SH2B1: variants seen among roughly 807,000 people sequenced by gnomAD.
SH2B1 encodes SH2B adapter protein 1.
A neutral mutation model predicts 62.6 loss-of-function variants in SH2B1; 15 were observed. The observed-to-expected ratio is 0.24, with a 90% CI of 0.16 to 0.37. The LOEUF (loss-of-function observed/expected upper bound fraction) is 0.37, where lower values mean the gene tolerates loss of function less well. SH2B1 is among the 10% of genes least tolerant of loss of function. The probability of loss-of-function intolerance (pLI) is 1.00; values close to 1 mark genes in which losing one functional copy is unlikely to be tolerated. For synonymous variants in SH2B1, 443 were observed against 438.0 expected (o/e 1.01, Z -0.14); for missense variants, 925 against 1,015.6 (o/e 0.91, Z 1.21).
Position 28,873,985 on chromosome 16 carries a change from A to C in SH2B1, c.*165A>C. 3.3e-6 allele frequency: 2 copies of C among 613,702 alleles called. No homozygotes were observed. The highest frequency in any genetic ancestry group is 1.0e-4 in the South Asian group (2 of 19,090). 38.0% of individuals were successfully genotyped at this position (613,702 alleles called of 1,614,324 possible). A position where few individuals can be genotyped will look rare whatever the true frequency, so the allele number is the denominator to read the frequency against. ...CAGAGGCTCGGGAGAGGCTCCCGTC[A>C]CACACTACAGGTCCCCTCCCCAGGG... On this transcript the variant is annotated 3_prime_UTR_variant, in exon 8 of 8. Transcript: ENST00000684370. The surrounding 1 kb of genome is among the most constrained non-coding windows in gnomAD (Gnocchi z 4.2).
In SH2B1 at chr16:28,866,627, C is replaced by T. The variant is rs1261226218; in HGVS notation, c.533C>T (p.Pro178Leu). 2 of 1,613,814 alleles carry T rather than the reference C, an allele frequency of 1.2e-6. No individual in the cohort carries two copies. The highest frequency in any genetic ancestry group is 1.3e-5 in the African/African-American group (1 of 75,042). The change falls in exon 1 of 8, where the codon CCT becomes CTT. Residue 178 changes from proline (P) to leucine (L), a missense_variant. Pro to Leu is a moderately conservative substitution (Grantham distance 98). This residue lies in a region of SH2B1 where 683 missense variants were observed against 704.0 expected (regional missense o/e 0.97). Coordinates refer to ENST00000684370, the MANE Select transcript of SH2B1 (RefSeq NM_001387430.1). The surrounding 1 kb of genome is among the most constrained non-coding windows in gnomAD (Gnocchi z 6.3). Reference sequence around the variant, plus strand: ...CTGCAGTGGCGGGGGACCGTTGACCCTCCCTCCTCCGCTGGGCCCCTGGAG... The same window carrying T: ...CTGCAGTGGCGGGGGACCGTTGACCTTCCCTCCTCCGCTGGGCCCCTGGAG... ...GILQWRGTVD[P>L]PSSAGPLETS...
intron 1 of SH2B1, among the ~76,000 whole-genome samples, chr16:28,850,366 C>T (rs540715093): frequency 6.6e-6 from 1 of 152,198 alleles, no homozygotes; most frequent in Non-Finnish European, 1.5e-5. Flanking sequence ...CGAGACCAGC[C>T]TGGGCAAAAT....
Position 28,873,833 on chromosome 16 carries a change from C to G in SH2B1, c.*13C>G. ...CTCCTTCGTGTGAGCCAACCCCACCCGCTCCACCCTTTTTAAACCCCCCAG... is the reference window on the plus strand; with the variant it reads ...CTCCTTCGTGTGAGCCAACCCCACCGGCTCCACCCTTTTTAAACCCCCCAG... On this transcript the variant is annotated 3_prime_UTR_variant, in exon 8 of 8. Coordinates refer to ENST00000684370, the MANE Select transcript of SH2B1 (RefSeq NM_001387430.1). The surrounding 1 kb of genome is among the most constrained non-coding windows in gnomAD (Gnocchi z 4.2). The G allele has an allele frequency of 3.5e-6, 5 of 1,421,150 alleles. No individual in the cohort carries two copies. Among genetic ancestry groups the G allele is most frequent in the East Asian group, 2.7e-5 (1 of 37,396 alleles). The allele number at this position is 1,421,150 out of a possible 1,614,324, so 88.0% of individuals were successfully genotyped here.
chr16:28,852,806 T>G lies in SH2B1; in HGVS notation c.-301+5979T>G, dbSNP rs1296753058. On this transcript the variant is annotated intron_variant, in intron 1 of 10. Coordinates refer to the SH2B1 transcript ENST00000322610. Reference sequence around the variant, plus strand: ...TTTACATATATATTTACATATATATTTACATATATTTACATATATATTTAT... The same window carrying G: ...TTTACATATATATTTACATATATATGTACATATATTTACATATATATTTAT... 5.9e-4 allele frequency among the ~76,000 whole-genome samples: 34 copies of G among 57,602 alleles called. 4 individuals carry two copies. Among genetic ancestry groups the G allele is most frequent in the East Asian group, 2.2e-3 (4 of 1,806 alleles). 37.8% of individuals were successfully genotyped at this position (57,602 alleles called of 152,430 possible).
intron 1 of SH2B1, among the ~76,000 whole-genome samples, chr16:28,854,969 G>A (rs1337976477): frequency 2.0e-5 from 3 of 151,966 alleles, no homozygotes; most frequent in Admixed American, 2.0e-4. Context: ...TCCATCTCCT[G>A]GGTTCAAGCG....
At position 28,874,131 on chromosome 16, in the gene SH2B1, A is replaced by G; in HGVS notation, c.*311A>G. On this transcript the variant is annotated 3_prime_UTR_variant, in exon 8 of 8. Coordinates refer to ENST00000684370, the MANE Select transcript of SH2B1 (RefSeq NM_001387430.1). ...GGGTGAGGGGGAAGGGCTGTCAGTT[A>G]CATTAAGGTGGTTGTTGTTGTTGTT... 1 of 320,182 alleles carries G rather than the reference A, an allele frequency of 3.1e-6. No homozygotes were observed. The highest frequency in any genetic ancestry group is 5.7e-6 in the Non-Finnish European group (1 of 176,016). The allele number at this position is 320,182 out of a possible 1,614,324, so 19.8% of individuals were successfully genotyped here. A position where few individuals can be genotyped will look rare whatever the true frequency, so the allele number is the denominator to read the frequency against.
In SH2B1 at chr16:28,865,908, C is replaced by CGGAGTCTGAAGTAGGGTCGG; in HGVS notation, c.-186_-167dup. ...GGGCTCCCTTCCCCATTGCTCTCTGCGGAGTCTGAAGTAGGGTCGGACGTC... is the reference window on the plus strand; with the variant it reads ...GGGCTCCCTTCCCCATTGCTCTCTGCGGAGTCTGAAGTAGGGTCGGGGAGTCTGAAGTAGGGTCGGACGTC... On this transcript the variant is annotated 5_prime_UTR_variant, in exon 1 of 8. Coordinates refer to ENST00000684370, the MANE Select transcript of SH2B1 (RefSeq NM_001387430.1). 1 of 1,400,072 alleles carries CGGAGTCTGAAGTAGGGTCGG rather than the reference C, an allele frequency of 7.1e-7. No homozygotes were observed. Among genetic ancestry groups the CGGAGTCTGAAGTAGGGTCGG allele is most frequent in the South Asian group, 1.6e-5 (1 of 60,916 alleles). 86.7% of individuals were successfully genotyped at this position (1,400,072 alleles called of 1,614,324 possible).
intron 1 of SH2B1, among the ~76,000 whole-genome samples, chr16:28,849,357 A>G (rs986973274): frequency 6.6e-6 from 1 of 152,208 alleles, no homozygotes; most frequent in African/African-American, 2.4e-5. Context: ...TTGGCCTCTC[A>G]AAATGCTGGG....
rs1045024791 is a variant in SH2B1, at chr16:28,869,340, C to A, written c.1266C>A (p.Asp422Glu). 17 of 1,614,010 alleles carry A rather than the reference C, an allele frequency of 1.1e-5. No individual in the cohort carries two copies. Among genetic ancestry groups the A allele is most frequent in the Non-Finnish European group, 1.4e-5 (16 of 1,180,042 alleles). The change falls in exon 4 of 8, where the codon GAC becomes GAA. Residue 422 changes from aspartate to glutamate, a missense_variant. Around this residue, in one of 3 missense-constraint regions of SH2B1, gnomAD observed 683 missense variants for 704.0 expected, o/e 0.97. Coordinates refer to ENST00000684370, the MANE Select transcript of SH2B1 (RefSeq NM_001387430.1). ...LNHSESLPSQ[D>E]LLLGPSESND... is the part of the protein sequence containing the mutation. ...ACTCGGAGAGTCTACCCAGCCAGGACCTGCTGCTTGGACCCAGCGAGAGCA... is the reference window on the plus strand; with the variant it reads ...ACTCGGAGAGTCTACCCAGCCAGGAACTGCTGCTTGGACCCAGCGAGAGCA...
chr16:28,866,459 C>G lies in SH2B1; in HGVS notation c.365C>G (p.Pro122Arg). ...RVGGPLAVLG[P>R]SRSSEDLAGP... The stretch of plus-strand genomic sequence containing the variant: ...GGTGGGCCCCTGGCTGTGCTGGGCC[C>G]TTCTCGATCATCTGAGGACCTGGCC... Residue 122 changes from proline (P) to arginine (R), a missense_variant, in exon 1 of 8, where the codon CCT becomes CGT. Coordinates refer to ENST00000684370, the MANE Select transcript of SH2B1 (RefSeq NM_001387430.1). This position sits in a 1 kb window ranked among gnomAD's most constrained non-coding sequence, Gnocchi z 6.3. 3 of 1,613,976 alleles carry G rather than the reference C, an allele frequency of 1.9e-6. No homozygotes were observed. The highest frequency in any genetic ancestry group is 2.5e-6 in the Non-Finnish European group (3 of 1,179,998).
chr16:28,853,444 C>G (rs1192387828), intron 1 of SH2B1, among the ~76,000 whole-genome samples: 2 of 149,894 alleles, frequency 1.3e-5, no homozygotes, highest in East Asian at 4.0e-4. Flanking sequence ...ACCTCATGAT[C>G]CGCCCACTTC....
At position 28,852,787 on chromosome 16, in the gene SH2B1, T is replaced by TATATATTTACATATATATTTAC. The variant is rs1308329459; in HGVS notation, c.-301+5982_-301+6003dup. On this transcript the variant is annotated intron_variant, in intron 1 of 10. Coordinates refer to the SH2B1 transcript ENST00000322610. ...ATATATATTTATATATATATTTACATATATATTTACATATATATTTACATA... is the reference window on the plus strand; with the variant it reads ...ATATATATTTATATATATATTTACATATATATTTACATATATATTTACATATATTTACATATATATTTACATA... Among the ~76,000 whole-genome samples the TATATATTTACATATATATTTAC allele has an allele frequency of 2.4e-4, 21 of 86,494 alleles. 3 individuals carry two copies. The highest frequency in any genetic ancestry group is 4.2e-4 in the Admixed American group (2 of 4,806). The allele number at this position is 86,494 out of a possible 152,430, so 56.7% of individuals were successfully genotyped here. A position where few individuals can be genotyped will look rare whatever the true frequency, so the allele number is the denominator to read the frequency against.
At position 28,872,238 on chromosome 16, in the gene SH2B1, C is replaced by A; in HGVS notation, c.1562C>A (p.Pro521His). The change falls in exon 6 of 8, where the codon CCC (proline) becomes CAC (histidine). Residue 521 changes from proline (P) to histidine (H), a missense_variant. Pro to His is a moderately conservative substitution (Grantham distance 77). This residue lies in a region of SH2B1 where 683 missense variants were observed against 704.0 expected (regional missense o/e 0.97). Coordinates refer to ENST00000684370, the MANE Select transcript of SH2B1 (RefSeq NM_001387430.1). The surrounding 1 kb of genome is among the most constrained non-coding windows in gnomAD (Gnocchi z 5.3). ...CCAGAGGGCGGTGAGGGGGACCAGC[C>A]CCTCTCAGGGTATCCTTGGTTCCAC... ...GEPEGGEGDQ[P>H]LSGYPWFHGM... 6.2e-7 allele frequency: 1 copy of A among 1,613,986 alleles called. No homozygotes were observed. The highest frequency in any genetic ancestry group is 1.1e-5 in the South Asian group (1 of 91,084).
At chr16:28,852,615 CATATATATTTATATATATACACAT>C (rs1962168931) in intron 1 of SH2B1, among the ~76,000 whole-genome samples, 1 of 73,446 alleles carries the variant, frequency 1.4e-5, no homozygotes, top group Non-Finnish European at 2.2e-5. Context: ...TATATATACA[CATATATATTTATATATATACACAT>C]ATATATTTAT....
chr16:28,871,511 AAC>A (rs1270994869), intron 4 of SH2B1, among the ~76,000 whole-genome samples: 4 of 152,216 alleles, frequency 2.6e-5, no homozygotes, highest in Non-Finnish European at 5.9e-5. Context: ...CCGTTTCTGC[AAC>A]AGTCTTTCAG....
Position 28,863,894 on chromosome 16 carries a change from GC to G in SH2B1, c.-2199del, listed in dbSNP as rs1962539199. On this transcript the variant is annotated 5_prime_UTR_variant, in exon 1 of 8. Coordinates refer to ENST00000684370, the MANE Select transcript of SH2B1 (RefSeq NM_001387430.1). ...GTGGGTGGGGGCGCAGGGAGCGGGA[GC>G]CGCCGCCGCCGCCGCCGCCGCCGGA... The G allele has an allele frequency of 1.8e-6, 1 of 570,654 alleles. No individual in the cohort carries two copies. The highest frequency in any genetic ancestry group is 2.3e-5 in the South Asian group (1 of 44,052). The allele number at this position is 570,654 out of a possible 1,614,324, so 35.3% of individuals were successfully genotyped here.
chr16:28,851,449 C>T (rs528537680), intron 1 of SH2B1, among the ~76,000 whole-genome samples: 25 of 146,084 alleles, frequency 1.7e-4, no homozygotes, highest in Non-Finnish European at 3.2e-4. Context: ...TCATTCCCAA[C>T]GCCTTTCTTC....
chr16:28,868,492 TC>T (rs749658550), intron 2 of SH2B1, among the ~76,000 whole-genome samples: 73 of 151,880 alleles, frequency 4.8e-4, no homozygotes, highest in Non-Finnish European at 7.4e-4. Flanking sequence ...GGCATTTTAC[TC>T]TGTCTCCCAG....
At chr16:28,858,121 C>T (rs1460734456) in intron 1 of SH2B1, among the ~76,000 whole-genome samples, 1 of 152,176 alleles carries the variant, frequency 6.6e-6, no homozygotes, top group Non-Finnish European at 1.5e-5. Flanking sequence ...TGGGCTGGCT[C>T]AAAATCCCAA....
Sources: gnomAD v4.1 joint callset for allele counts (sites outside exome capture counted in the v4.1 genomes callset) on GRCh38, gnomAD v4.1.1 for gene constraint, gnomAD v4.1.1 regional missense constraint, Gnocchi (gnomAD v3.1) non-coding constraint, MANE v1.5 for transcripts, NCBI Gene and HGNC (gene_info 2026-07-23, HGNC 2026-07-21) for gene names.